PAX9: variants seen among roughly 807,000 people sequenced by gnomAD.
PAX9 encodes the protein paired box 9.
Under a neutral mutation model 29.1 loss-of-function variants are expected in PAX9, and 6 were observed. The observed-to-expected ratio is 0.21, with a 90% confidence interval of 0.11 to 0.41. The LOEUF (loss-of-function observed/expected upper bound fraction) is 0.41, where lower values mean the gene tolerates loss of function less well. Among genes scored for constraint, PAX9 ranks in the 10% least tolerant of loss-of-function variants. The pLI is 1.00. For missense variants in PAX9, 443 were observed against 479.1 expected (o/e 0.92, Z 0.70); for synonymous variants, 217 against 211.7 (o/e 1.03, Z -0.22).
At position 36,663,396 on chromosome 14, in the gene PAX9, G is replaced by T. The variant is rs776661073; in HGVS notation, c.504G>T (p.Ala168=). 6.2e-7 allele frequency: 1 copy of T among 1,613,340 alleles called. No individual in the cohort carries two copies. The highest frequency in any genetic ancestry group is 2.2e-5 in the East Asian group (1 of 44,838). Residue 168 remains alanine (A), a synonymous_variant, in exon 2 of 4, where the codon GCG becomes GCT. Coordinates refer to ENST00000361487, the MANE Select transcript of PAX9 (RefSeq NM_001372076.1). The part of the protein sequence containing the change: ...HIYSYPSPIT[A]AAAKVPTPPG... ...ACTCGTACCCCAGCCCTATCACGGC[G>T]GCGGCCGCCAAGGTGCCCACGCCAC... is the stretch of plus-strand genomic sequence containing the variant.
In PAX9 at chr14:36,676,645, A is replaced by G; in HGVS notation, c.*193A>G. The G allele has an allele frequency of 1.5e-6, 1 of 653,626 alleles. No homozygotes were observed. 40.5% of individuals were successfully genotyped at this position (653,626 alleles called of 1,614,324 possible). A position where few individuals can be genotyped will look rare whatever the true frequency, so the allele number is the denominator to read the frequency against. ...GCCATAACTTTTCTCTTGCAGAAAA[A>G]CTGACATGACTTTAGGATTTAAAAA... On this transcript the variant is annotated 3_prime_UTR_variant, in exon 4 of 4. Coordinates refer to ENST00000361487, the MANE Select transcript of PAX9 (RefSeq NM_001372076.1).
Position 36,676,651 on chromosome 14 carries a change from A to G in PAX9, c.*199A>G. The stretch of plus-strand genomic sequence containing the variant: ...ACTTTTCTCTTGCAGAAAAACTGAC[A>G]TGACTTTAGGATTTAAAAACAAGAG... On this transcript the variant is annotated 3_prime_UTR_variant, in exon 4 of 4. Transcript: ENST00000361487. The G allele has an allele frequency of 3.1e-6, 2 of 645,028 alleles. No homozygotes were observed. The highest frequency in any genetic ancestry group is 1.8e-5 in the South Asian group (1 of 54,314). 40.0% of individuals were successfully genotyped at this position (645,028 alleles called of 1,614,324 possible). A position where few individuals can be genotyped will look rare whatever the true frequency, so the allele number is the denominator to read the frequency against.
At chr14:36,674,095 G>C (rs753681005) in intron 3 of PAX9, among the ~76,000 whole-genome samples, 1 of 152,150 alleles carries the variant, frequency 6.6e-6, no homozygotes, top group Non-Finnish European at 1.5e-5. Context: ...TGCAAAACTA[G>C]ATTTTTTCCC....
chr14:36,663,225 G>A lies in PAX9; in HGVS notation c.333G>A (p.Val111=). 1 of 1,614,090 alleles carries A rather than the reference G, an allele frequency of 6.2e-7. No homozygotes were observed. The highest frequency in any genetic ancestry group is 2.2e-5 in the East Asian group (1 of 44,852). Residue 111 remains valine, a synonymous_variant, in exon 2 of 4, where the codon GTG becomes GTA. Transcript: ENST00000361487. ...GGGACCGCCTGCTGGCGGACGGCGTGTGCGACAAGTACAATGTGCCCTCCG... is the reference window on the plus strand; with the variant it reads ...GGGACCGCCTGCTGGCGGACGGCGTATGCGACAAGTACAATGTGCCCTCCG... The part of the protein sequence containing the change: ...EIRDRLLADG[V]CDKYNVPSVS...
chr14:36,662,691 G>A lies in PAX9; in HGVS notation c.5-206G>A, dbSNP rs886783232. ...GGCCGTAGGGGCCTCCGGCACGGCA[G>A]GAATGAGGGAGGGGGTCCGATTGGA... On this transcript the variant is annotated intron_variant, in intron 1 of 3. Transcript: ENST00000361487. 3 of 629,360 alleles carry A rather than the reference G, an allele frequency of 4.8e-6. No individual in the cohort carries two copies. The East Asian group carries it at 8.4e-5, about 18-fold the overall frequency. 39.0% of individuals were successfully genotyped at this position (629,360 alleles called of 1,614,324 possible).
intron 3 of PAX9, among the ~76,000 whole-genome samples, chr14:36,674,425 T>C (rs1305926663): frequency 6.6e-6 from 1 of 152,236 alleles, no homozygotes; most frequent in African/African-American, 2.4e-5. Flanking sequence ...GCCAATTGGT[T>C]GAGGGTACAT....
chr14:36,665,412 T>C (rs147083517), intron 2 of PAX9, among the ~76,000 whole-genome samples: 2 of 152,204 alleles, frequency 1.3e-5, no homozygotes, highest in African/African-American at 4.8e-5. Flanking sequence ...CTGTGTTAGA[T>C]GGAAGTGTTT....
rs1255464020 is a variant in PAX9, at chr14:36,677,271, C to G, written c.*819C>G. 6.6e-6 allele frequency: 1 copy of G among 152,122 alleles called. No individual in the cohort carries two copies. Among genetic ancestry groups the G allele is most frequent in the Non-Finnish European group, 1.5e-5 (1 of 68,088 alleles). The allele number at this position is 152,122 out of a possible 1,614,324, so 9.4% of individuals were successfully genotyped here. ...TGGTGGGCTGCTCGGGCTCCTGGACCTGGACTTGCCCCCAAATTTTGTGTA... is the reference window on the plus strand; with the variant it reads ...TGGTGGGCTGCTCGGGCTCCTGGACGTGGACTTGCCCCCAAATTTTGTGTA... On this transcript the variant is annotated 3_prime_UTR_variant, in exon 4 of 4. Transcript: ENST00000361487.
chr14:36,678,364 G>T lies in PAX9; in HGVS notation c.*1912G>T, dbSNP rs746225893. 1 of 876,562 alleles carries T rather than the reference G, an allele frequency of 1.1e-6. No individual in the cohort carries two copies. Among genetic ancestry groups the T allele is most frequent in the South Asian group, 1.5e-5 (1 of 66,294 alleles). The allele number at this position is 876,562 out of a possible 1,614,324, so 54.3% of individuals were successfully genotyped here. ...TTATTTCTAAAGCAACCGAAATTCA[G>T]TGCTACAAATAGAGGATTATAACTT... On this transcript the variant is annotated 3_prime_UTR_variant, in exon 4 of 4. Transcript: ENST00000361487.
At chr14:36,660,191 C>T (rs2139104200), upstream of PAX9, among the ~76,000 whole-genome samples, 1 of 152,334 alleles carries the variant, frequency 6.6e-6, no homozygotes, top group African/African-American at 2.4e-5. Flanking sequence ...GGAGCTGCTG[C>T]TTCTAAAATC....
intron 1 of PAX9, 77 bp from the exon 2 acceptor site, chr14:36,662,820 C>G (rs1239621877): frequency 1.3e-6 from 2 of 1,543,806 alleles, no homozygotes; most frequent in African/African-American, 2.7e-5. Context: ...TCCCCGGATG[C>G]GTAGGGAGGC....
chr14:36,662,497 T>G, intron 1 of PAX9: 1 of 378,900 alleles, frequency 2.6e-6, no homozygotes, highest in Non-Finnish European at 4.7e-6. Context: ...ACTGGCCGGG[T>G]CTCCAGAAGG....
Position 36,679,225 on chromosome 14 carries a change from A to T in PAX9, c.*2773A>T. ...TTGTTTTTAATGACCCTTTTATTGA[A>T]TATTGGACTGAAATATAAATTTTAA... On this transcript the variant is annotated 3_prime_UTR_variant, in exon 4 of 4. Transcript: ENST00000361487. 1 of 984,534 alleles carries T rather than the reference A, an allele frequency of 1.0e-6. No individual in the cohort carries two copies. The highest frequency in any genetic ancestry group is 1.2e-6 in the Non-Finnish European group (1 of 829,186). 61.0% of individuals were successfully genotyped at this position (984,534 alleles called of 1,614,324 possible). A position where few individuals can be genotyped will look rare whatever the true frequency, so the allele number is the denominator to read the frequency against.
In PAX9 at chr14:36,677,692, A is replaced by G. The variant is rs1025938192; in HGVS notation, c.*1240A>G. On this transcript the variant is annotated 3_prime_UTR_variant, in exon 4 of 4. Coordinates refer to ENST00000361487, the MANE Select transcript of PAX9 (RefSeq NM_001372076.1). ...CTGTGAAGTTTACATTGTTGTACAG[A>G]AGCATGTTTCGCATGTAGGTAAACT... 1 of 152,246 alleles carries G rather than the reference A, an allele frequency of 6.6e-6. No homozygotes were observed. The highest frequency in any genetic ancestry group is 1.5e-5 in the Non-Finnish European group (1 of 68,048). 9.4% of individuals were successfully genotyped at this position (152,246 alleles called of 1,614,324 possible). A position where few individuals can be genotyped will look rare whatever the true frequency, so the allele number is the denominator to read the frequency against.
In PAX9 at chr14:36,662,077, A is replaced by C; in HGVS notation, c.-13A>C. 3.3e-6 allele frequency: 5 copies of C among 1,533,622 alleles called. No individual in the cohort carries two copies. In the South Asian group the frequency reaches 5.9e-5, roughly 18 times the overall value. On this transcript the variant is annotated 5_prime_UTR_variant, in exon 1 of 4. Coordinates refer to ENST00000361487, the MANE Select transcript of PAX9 (RefSeq NM_001372076.1). ...TGCGGAACTGGGGCCGGGTTGGTGT[A>C]CTGCTCGGAGCAATGGGTGAGTGGC...
At chr14:36,660,810 T>C (rs1005699923), upstream of PAX9, among the ~76,000 whole-genome samples, 17 of 152,354 alleles carry the variant, frequency 1.1e-4, no homozygotes, top group African/African-American at 3.4e-4. Context: ...ATTAATAACT[T>C]TGGCTGCAAA....
intron 2 of PAX9, 140 bp downstream of exon 2, chr14:36,663,663 C>CA: frequency 9.2e-7 from 1 of 1,082,018 alleles, no homozygotes; most frequent in Non-Finnish European, 1.3e-6. Context: ...AGGAGTCTTC[C>CA]TAGGGGGTGT....
chr14:36,664,968 A>G (rs1420290207), intron 2 of PAX9, among the ~76,000 whole-genome samples: 1 of 152,122 alleles, frequency 6.6e-6, no homozygotes, highest in Non-Finnish European at 1.5e-5. Flanking sequence ...GCCCCTGTTC[A>G]TGGGAAAGTG....
chr14:36,662,589 C>T (rs977474293), intron 1 of PAX9: 3 of 499,298 alleles, frequency 6.0e-6, no homozygotes, highest in Non-Finnish European at 1.1e-5. Flanking sequence ...CACGTTCAGG[C>T]GTCAAGACCG....
Sources: gnomAD v4.1 joint callset for allele counts (sites outside exome capture counted in the v4.1 genomes callset) on GRCh38, gnomAD v4.1.1 for gene constraint, MANE v1.5 for transcripts, NCBI Gene and HGNC (gene_info 2026-07-23, HGNC 2026-07-21) for gene names.